DPF3: variants seen among roughly 807,000 people sequenced by gnomAD.
DPF3 encodes double PHD fingers 3.
DPF3 carries 18 observed loss-of-function variants against 56.8 expected under a neutral mutation model. The observed-to-expected ratio is 0.32, with a 90% CI of 0.22 to 0.47. The LOEUF is 0.47. Among genes scored for constraint, DPF3 ranks in the 20% least tolerant of loss-of-function variants. The probability of loss-of-function intolerance (pLI) is 1.00; values close to 1 mark genes in which losing one functional copy is unlikely to be tolerated. For missense variants in DPF3, 403 were observed against 488.8 expected (o/e 0.82, Z 1.65); for synonymous variants, 188 against 180.2 (o/e 1.04, Z -0.35).
intron 8 of DPF3, among the ~76,000 whole-genome samples, chr14:72,640,333 A>G (rs1423151263): frequency 6.6e-6 from 1 of 152,174 alleles, no homozygotes; most frequent in Non-Finnish European, 1.5e-5. Context: ...CTTTAGAGAG[A>G]TGAGTCTGGT....
chr14:72,672,670 AC>A (rs1484392063), intron 8 of DPF3, among the ~76,000 whole-genome samples: 2 of 152,282 alleles, frequency 1.3e-5, no homozygotes, highest in East Asian at 3.9e-4. Flanking sequence ...ATAGAAAAAA[AC>A]AACTTCCCAC....
chr14:72,777,082 A>AT (rs1246055145), intron 1 of DPF3, among the ~76,000 whole-genome samples: 1 of 152,202 alleles, frequency 6.6e-6, no homozygotes, highest in Non-Finnish European at 1.5e-5. Context: ...AGCAGAGATA[A>AT]GCAGAGCTGA....
intron 1 of DPF3, among the ~76,000 whole-genome samples, chr14:72,772,808 T>C (rs1421548400): frequency 2.0e-5 from 3 of 151,958 alleles, no homozygotes; most frequent in African/African-American, 7.3e-5. Context: ...TAGGCACAGG[T>C]TAATAAATGC....
At chr14:72,744,474 A>G (rs147544862) in intron 3 of DPF3, among the ~76,000 whole-genome samples, 3 of 151,158 alleles carry the variant, frequency 2.0e-5, no homozygotes, top group Admixed American at 2.0e-4. Flanking sequence ...GGTTCTTGCC[A>G]TGTCACCCAG....
At position 72,611,209 on chromosome 14, in the gene DPF3, G is replaced by T. The variant is rs1161900423; in HGVS notation, c.*8088C>A. 6.6e-6 allele frequency among the ~76,000 whole-genome samples: 1 copy of T among 152,230 alleles called. No individual in the cohort carries two copies. Among genetic ancestry groups the T allele is most frequent in the Non-Finnish European group, 1.5e-5 (1 of 68,048 alleles). ...CCCAGGCATTTTGCTTGAAAGCAAG[G>T]TTGGTGTGGCTTCTTCAGGGAATAA... On this transcript the variant is annotated 3_prime_UTR_variant, in exon 11 of 11. Coordinates refer to ENST00000556509, the MANE Select transcript of DPF3 (RefSeq NM_001280542.3).
intron 2 of DPF3, among the ~76,000 whole-genome samples, chr14:72,765,203 C>T (rs1891224659): frequency 6.6e-6 from 1 of 152,194 alleles, no homozygotes; most frequent in Admixed American, 6.5e-5. Flanking sequence ...TGAAATACTA[C>T]TATATATCTA....
intron 8 of DPF3, among the ~76,000 whole-genome samples, chr14:72,658,028 T>A (rs1886105438): frequency 6.6e-6 from 1 of 152,116 alleles, no homozygotes; most frequent in Admixed American, 6.6e-5. Flanking sequence ...CCAGCCTAAC[T>A]CTCTTACAAA....
chr14:72,789,284 T>G (rs1944514334), intron 1 of DPF3, among the ~76,000 whole-genome samples: 2 of 152,128 alleles, frequency 1.3e-5, no homozygotes, highest in Admixed American at 1.3e-4. Context: ...ATGAAAGAGA[T>G]GCTACTACTA....
intron 1 of DPF3, among the ~76,000 whole-genome samples, chr14:72,861,737 G>GAGAAAGAAAGAGAGAGAAAGAA (rs1436291759): frequency 1.2e-5 from 1 of 84,536 alleles, no homozygotes; most frequent in Non-Finnish European, 2.4e-5. Context: ...AAGAAAGAAA[G>GAGAAAGAAAGAGAGAGAAAGAA]AGAAAGAAAG....
At chr14:72,719,475 A>T (rs1423559329) in intron 5 of DPF3, among the ~76,000 whole-genome samples, 4 of 152,170 alleles carry the variant, frequency 2.6e-5, no homozygotes, top group Non-Finnish European at 4.4e-5. Context: ...CTGCATCAGA[A>T]TTTGTATTTT....
At chr14:72,887,885 A>G (rs1234344889) in intron 1 of DPF3, among the ~76,000 whole-genome samples, 1 of 152,186 alleles carries the variant, frequency 6.6e-6, no homozygotes, top group Non-Finnish European at 1.5e-5. Flanking sequence ...ATAGCAGGTG[A>G]AAGTGTGAGG....
chr14:72,785,623 CTTAGCTATTTCTTTTCT>C (rs1892180748), intron 1 of DPF3, among the ~76,000 whole-genome samples: 1 of 152,186 alleles, frequency 6.6e-6, no homozygotes, highest in African/African-American at 2.4e-5. Context: ...GCTAGCTAAT[CTTAGCTATTTCTTTTCT>C]TTGTGCCTCA....
At chr14:72,771,670 G>T (rs375433988) in intron 2 of DPF3, 63 bp downstream of exon 2, 3 of 1,534,922 alleles carry the variant, frequency 2.0e-6, no homozygotes. Flanking sequence ...GACAAGCTGC[G>T]GTCCTCCTCC....
intron 1 of DPF3, among the ~76,000 whole-genome samples, chr14:72,820,766 G>A (rs1599470363): frequency 1.3e-5 from 2 of 152,016 alleles, no homozygotes; most frequent in African/African-American, 4.8e-5. Flanking sequence ...AGGTCAAGCT[G>A]GGAGGATCAC....
chr14:72,762,450 T>C (rs953036993), intron 2 of DPF3, among the ~76,000 whole-genome samples: 2 of 151,772 alleles, frequency 1.3e-5, no homozygotes, highest in Non-Finnish European at 3.0e-5. Context: ...TAATCAACCA[T>C]TCCTACATAA....
At chr14:72,619,570 C>T (rs1229201217) in intron 10 of DPF3, among the ~76,000 whole-genome samples, 1 of 152,164 alleles carries the variant, frequency 6.6e-6, no homozygotes, top group Non-Finnish European at 1.5e-5. Context: ...TTATCAAGAC[C>T]CTCACTACTA....
intron 8 of DPF3, among the ~76,000 whole-genome samples, chr14:72,630,944 T>A (rs796593511): frequency 9.9e-5 from 15 of 152,132 alleles, no homozygotes; most frequent in African/African-American, 3.6e-4. Flanking sequence ...ACAGACAGGA[T>A]CCCCCATGGC....
intron 9 of DPF3, among the ~76,000 whole-genome samples, chr14:72,621,552 C>A (rs1300641661): frequency 6.6e-6 from 1 of 152,154 alleles, no homozygotes; most frequent in Non-Finnish European, 1.5e-5. Context: ...AGTGGGGCAA[C>A]AGGAAAGCTT....
chr14:72,753,446 G>A (rs914871023), intron 2 of DPF3, 75 bp from the exon 3 acceptor site: 56 of 1,121,586 alleles, frequency 5.0e-5, no homozygotes, highest in Admixed American at 8.4e-5. Flanking sequence ...GACTAACCCC[G>A]TCATTCACAA....
Sources: allele counts gnomAD v4.1 joint callset (sites outside exome capture counted in the v4.1 genomes callset), GRCh38; gene constraint gnomAD v4.1.1; transcripts MANE v1.5; gene names NCBI Gene and HGNC (gene_info 2026-07-23, HGNC 2026-07-21).